Variants in JUP observed in about 807,000 individuals in gnomAD.
JUP encodes junction plakoglobin, also known as catenin (cadherin-associated protein), gamma 80kDa.
Under a neutral mutation model 71.1 loss-of-function variants are expected in JUP, and 28 were observed. The ratio of observed to expected loss-of-function variants is 0.39; its 90% CI spans 0.29 to 0.54. The LOEUF (loss-of-function observed/expected upper bound fraction) is 0.54, where lower values mean the gene tolerates loss of function less well. JUP is among the 20% of genes least tolerant of loss of function. The pLI is 0.62. For synonymous variants in JUP, 401 were observed against 438.9 expected (o/e 0.91, Z 1.08); for missense variants, 869 against 1,030.1 (o/e 0.84, Z 2.14).
chr17:41,782,556 G>A (rs1555610533), intron 1 of JUP, among the ~76,000 whole-genome samples: 1 of 152,068 alleles, frequency 6.6e-6, no homozygotes, highest in South Asian at 2.1e-4. Context: ...CTAGGAGGCA[G>A]CACAGCTTTG....
intron 8 of JUP, among the ~76,000 whole-genome samples, chr17:41,762,167 GAGAGAGAGA>G (rs1914963373): frequency 1.9e-5 from 1 of 53,586 alleles, no homozygotes. Context: ...GAGAGAGAGA[GAGAGAGAGA>G]GTGTGTGTGT....
At chr17:41,760,169 A>C (rs1440691227) in intron 8 of JUP, among the ~76,000 whole-genome samples, 1 of 151,544 alleles carries the variant, frequency 6.6e-6, no homozygotes, top group Non-Finnish European at 1.5e-5. Flanking sequence ...TCTCAAAAAT[A>C]ATAATAATAA....
rs185514580 is a variant in JUP, at chr17:41,764,246, G to A, written c.1158+467C>T. ...CCAGCCCAGGGCCCAGGTCAAAACT[G>A]TTCTTTTGCTGGATGTGGTGGCTCA... On this transcript the variant is annotated intron_variant, in intron 7 of 13. Coordinates refer to ENST00000393931, the MANE Select transcript of JUP (RefSeq NM_002230.4). 2.4e-3 allele frequency among the ~76,000 whole-genome samples: 368 copies of A among 152,252 alleles called. 2 individuals carry two copies. Among genetic ancestry groups the A allele is most frequent in the African/African-American group, 8.5e-3 (354 of 41,552 alleles).
At chr17:41,781,247 C>T (rs1196017874) in intron 1 of JUP, among the ~76,000 whole-genome samples, 6 of 150,080 alleles carry the variant, frequency 4.0e-5, no homozygotes, top group Non-Finnish European at 5.9e-5. Context: ...CCCAGCTACG[C>T]GGGAGGCTGA....
intron 8 of JUP, among the ~76,000 whole-genome samples, chr17:41,759,275 A>G (rs1463897788): frequency 6.6e-6 from 1 of 151,996 alleles, no homozygotes; most frequent in Non-Finnish European, 1.5e-5. Flanking sequence ...GGGTTTCGCC[A>G]TGTTGGGCAG....
chr17:41,777,049 G>A (rs2046920309), intron 1 of JUP, among the ~76,000 whole-genome samples: 1 of 152,188 alleles, frequency 6.6e-6, no homozygotes. Context: ...GGCGAGGGCT[G>A]GCACAGAGAC....
In JUP at chr17:41,755,177, G is replaced by C. The variant is rs886052914; in HGVS notation, c.*567C>G. Reference sequence around the variant, plus strand: ...GCTGGAGGTTTGGAGGGGCGTTGCTGGGGGAAAACAGAATGGGTACTTGAG... The same window carrying C: ...GCTGGAGGTTTGGAGGGGCGTTGCTCGGGGAAAACAGAATGGGTACTTGAG... On this transcript the variant is annotated 3_prime_UTR_variant, in exon 14 of 14. Coordinates refer to ENST00000393931, the MANE Select transcript of JUP (RefSeq NM_002230.4). The C allele has an allele frequency of 2.5e-6, 1 of 398,020 alleles. No individual in the cohort carries two copies. Among genetic ancestry groups the C allele is most frequent in the Non-Finnish European group, 4.4e-6 (1 of 226,288 alleles). The allele number at this position is 398,020 out of a possible 1,614,324, so 24.7% of individuals were successfully genotyped here. A position where few individuals can be genotyped will look rare whatever the true frequency, so the allele number is the denominator to read the frequency against.
chr17:41,771,740 T>C lies in JUP; in HGVS notation c.115A>G (p.Ser39Gly), dbSNP rs782211863. 5.0e-6 allele frequency: 8 copies of C among 1,614,064 alleles called. No individual in the cohort carries two copies. The African/African-American group carries it at 1.1e-4, about 22-fold the overall frequency. Residue 39 changes from serine (S) to glycine (G), a missense_variant, in exon 2 of 14, where the codon AGC becomes GGC. Coordinates refer to ENST00000393931, the MANE Select transcript of JUP (RefSeq NM_002230.4). ...GANTCVPSVS[S>G]KGIMEEDEAC... ...TCATCCTCCTCCATGATGCCCTTGCTGCTGACGGAGGGCACGCAGGTGTTG... is the reference window on the plus strand; with the variant it reads ...TCATCCTCCTCCATGATGCCCTTGCCGCTGACGGAGGGCACGCAGGTGTTG...
intron 1 of JUP, among the ~76,000 whole-genome samples, chr17:41,783,893 C>CAAAAAAA (rs35672991): frequency 3.7e-5 from 3 of 81,996 alleles, no homozygotes; most frequent in South Asian, 4.5e-4. Flanking sequence ...GACTCCATCT[C>CAAAAAAA]AAAAAAAAAA....
rs376051686 is a variant in JUP, at chr17:41,758,861, C to T, written c.1507G>A (p.Gly503Ser). Residue 503 changes from glycine to serine, a missense_variant, in exon 9 of 14, where the codon GGC becomes AGC. Transcript: ENST00000393931. ...NQWPLVKATI[G>S]LIRNLALCPA... ...CACAGGGCCAGATTCCTGATCAAGC[C>T]GATGGTTGCCTGGCAAAAAAAGGGG... 89 of 1,606,480 alleles carry T rather than the reference C, an allele frequency of 5.5e-5. No homozygotes were observed. In the African/African-American group the frequency reaches 6.7e-4, roughly 12 times the overall value.
Position 41,755,598 on chromosome 17 carries a change from C to T in JUP, c.*146G>A. ...CAAGAAGAAGGCAGGCCAGGGCACA[C>T]CGTGCTTGGGGAAGCTCAGCAGCAA... On this transcript the variant is annotated 3_prime_UTR_variant, in exon 14 of 14. Transcript: ENST00000393931. The T allele has an allele frequency of 1.3e-6, 1 of 770,634 alleles. No homozygotes were observed. The highest frequency in any genetic ancestry group is 2.0e-6 in the Non-Finnish European group (1 of 510,026). 47.7% of individuals were successfully genotyped at this position (770,634 alleles called of 1,614,324 possible). A position where few individuals can be genotyped will look rare whatever the true frequency, so the allele number is the denominator to read the frequency against.
At chr17:41,764,542 A>G (rs922523234) in intron 7 of JUP, among the ~76,000 whole-genome samples, 171 bp downstream of exon 7, 9 of 149,566 alleles carry the variant, frequency 6.0e-5, no homozygotes, top group African/African-American at 7.5e-5. Flanking sequence ...CAGAAAAAAA[A>G]AAAAAAAAAA....
intron 1 of JUP, among the ~76,000 whole-genome samples, chr17:41,774,374 C>T (rs1917123978): frequency 6.6e-6 from 1 of 152,082 alleles, no homozygotes; most frequent in East Asian, 1.9e-4. Context: ...CTCTCTGTCG[C>T]CCAAGTTGGA....
chr17:41,773,457 C>CA (rs1255606605), intron 1 of JUP, among the ~76,000 whole-genome samples: 1 of 152,238 alleles, frequency 6.6e-6, no homozygotes, highest in African/African-American at 2.4e-5. Flanking sequence ...CCTAGTGACT[C>CA]AGAGTTTCAG....
At chr17:41,767,181 T>TTCGA (rs1341126361) in intron 5 of JUP, among the ~76,000 whole-genome samples, 198 bp downstream of exon 5, 2 of 152,208 alleles carry the variant, frequency 1.3e-5, no homozygotes, top group Non-Finnish European at 2.9e-5. Context: ...CAATAGTGGC[T>TTCGA]ATATGAGGAT....
chr17:41,769,021 G>T lies in JUP; in HGVS notation c.655C>A (p.Leu219Met), dbSNP rs782535734. ...CCACCCGACTTGAAGATGGCGAGCA[G>T]CCCCTCCCGGTGGTGGGAGAGGTTG... ...LHNLSHHREGLLAIFKSGGIP... is the reference protein window; with the variant it reads ...LHNLSHHREGMLAIFKSGGIP... Residue 219 changes from leucine (L) to methionine (M), a missense_variant, in exon 4 of 14, where the codon CTG (leucine) becomes ATG (methionine). Physicochemically the swap from Leu to Met is conservative, Grantham distance 15. Transcript: ENST00000393931. 1 of 1,611,310 alleles carries T rather than the reference G, an allele frequency of 6.2e-7. No individual in the cohort carries two copies. Among genetic ancestry groups the T allele is most frequent in the Non-Finnish European group, 8.5e-7 (1 of 1,178,998 alleles).
At chr17:41,762,150 AGAGAGAGAGAGAGAGAGAGAGAGAGAGT>A (rs1385784392) in intron 8 of JUP, among the ~76,000 whole-genome samples, 5 of 113,194 alleles carry the variant, frequency 4.4e-5, no homozygotes, top group South Asian at 3.0e-4. Flanking sequence ...AGAGAGAGAG[AGAGAGAGAGAGAGAGAGAGAGAGAGAGT>A]GTGTGTGTGT....
intron 1 of JUP, chr17:41,772,090 G>A: frequency 6.4e-6 from 4 of 629,692 alleles, no homozygotes; most frequent in South Asian, 3.5e-5. Flanking sequence ...GGGTGCGGCT[G>A]TGTGTATGTC....
At chr17:41,783,285 GT>G (rs143614122) in intron 1 of JUP, among the ~76,000 whole-genome samples, 1 of 85,176 alleles carries the variant, frequency 1.2e-5, no homozygotes, top group South Asian at 6.6e-4. Context: ...AATGATACGC[GT>G]TTTTTTTGTT....
Sources: gnomAD v4.1 joint callset for allele counts (sites outside exome capture counted in the v4.1 genomes callset) on GRCh38, gnomAD v4.1.1 for gene constraint, MANE v1.5 for transcripts, NCBI Gene and HGNC (gene_info 2026-07-23, HGNC 2026-07-21) for gene names.